Variants in ABCC9 observed in about 807,000 individuals in gnomAD.
ABCC9 encodes the protein ATP-binding cassette sub-family C member 9.
Under a neutral mutation model 188.3 loss-of-function variants are expected in ABCC9, and 95 were observed. The observed-to-expected ratio is 0.50, with a 90% confidence interval of 0.43 to 0.60. The LOEUF (loss-of-function observed/expected upper bound fraction) is 0.60. ABCC9 is among the 20% of genes least tolerant of loss of function. The pLI is 0.00. For synonymous variants in ABCC9, 659 were observed against 652.7 expected, an observed-to-expected ratio of 1.01 and a Z score of -0.15; for missense variants, 1,102 against 1,876.3, an observed-to-expected ratio of 0.59 and a Z score of 7.62.
chr12:21,805,004 T>C, intron 39 of ABCC9: 1 of 307,384 alleles, frequency 3.3e-6, no homozygotes, highest in Non-Finnish European at 4.8e-6. Flanking sequence ...CATTCGGTAG[T>C]GAGCATGACA....
At chr12:21,937,872 T>A (rs1342674039) in intron 2 of ABCC9, 1 of 152,174 alleles carries the variant, frequency 6.6e-6, no homozygotes, top group Admixed American at 6.6e-5. Flanking sequence ...AACCTGCTTT[T>A]TAAAGAAGCT....
chr12:21,805,452 G>C, intron 39 of ABCC9: 1 of 755,994 alleles, frequency 1.3e-6, no homozygotes, highest in Middle Eastern at 3.7e-4. Context: ...GAAAACTGTG[G>C]ACTACTGTAA....
At chr12:21,832,638 A>G (rs1943838693) in intron 30 of ABCC9, among the ~76,000 whole-genome samples, 1 of 152,100 alleles carries the variant, frequency 6.6e-6, no homozygotes, top group Non-Finnish European at 1.5e-5. Context: ...ATAGATATTG[A>G]CGTGGTGAAA....
chr12:21,903,696 T>A (rs1947886251), intron 12 of ABCC9, among the ~76,000 whole-genome samples: 2 of 151,968 alleles, frequency 1.3e-5, no homozygotes, highest in South Asian at 4.2e-4. Context: ...ACAAAGAGAA[T>A]AAAATACCTA....
chr12:21,859,447 G>T, intron 22 of ABCC9, 139 bp downstream of exon 22: 1 of 842,496 alleles, frequency 1.2e-6, no homozygotes, highest in Non-Finnish European at 2.0e-6. Flanking sequence ...GTACTTCAAG[G>T]ATTTATTTCC....
rs185257910 is a variant in ABCC9, at chr12:21,908,527, T to C, written c.1321-316A>G. On this transcript the variant is annotated intron_variant, in intron 10 of 39. Coordinates refer to ENST00000261200, the MANE Select transcript of ABCC9 (RefSeq NM_020297.4). ...AAGTGGTCCCATGACACTTCCAACC[T>C]TTTAAGTAGTCTTCAGATTTTTAAA... 9.6e-4 allele frequency among the ~76,000 whole-genome samples: 146 copies of C among 152,098 alleles called. 1 individual carries two copies. Among genetic ancestry groups the C allele is most frequent in the Admixed American group, 9.4e-3 (143 of 15,234 alleles).
chr12:21,843,487 A>G (rs1944491318), intron 28 of ABCC9, among the ~76,000 whole-genome samples: 2 of 151,986 alleles, frequency 1.3e-5, no homozygotes, highest in Non-Finnish European at 2.9e-5. Flanking sequence ...TGTTGAACAT[A>G]TTTTCTTCAC....
At chr12:21,894,684 A>G (rs1438829991) in intron 13 of ABCC9, among the ~76,000 whole-genome samples, 2 of 151,822 alleles carry the variant, frequency 1.3e-5, no homozygotes, top group African/African-American at 4.8e-5. Flanking sequence ...ATCATGGCTC[A>G]CTGCAGCCTC....
intron 5 of ABCC9, chr12:21,925,278 C>G (rs926789933): frequency 4.1e-6 from 2 of 487,616 alleles, no homozygotes; most frequent in Non-Finnish European, 7.3e-6. Flanking sequence ...TAATTTTGAC[C>G]CAAGGCAAAA....
chr12:21,854,640 C>G (rs1295388242), intron 22 of ABCC9, among the ~76,000 whole-genome samples: 1 of 152,172 alleles, frequency 6.6e-6, no homozygotes, highest in East Asian at 1.9e-4. Flanking sequence ...AATTGGCTTT[C>G]AACTGCCCAG....
chr12:21,863,696 A>T (rs911525260), intron 19 of ABCC9, among the ~76,000 whole-genome samples: 1 of 152,214 alleles, frequency 6.6e-6, no homozygotes, highest in African/African-American at 2.4e-5. Context: ...ATGTCTATAC[A>T]TCAGACTTTA....
intron 39 of ABCC9, chr12:21,805,333 A>T: frequency 6.2e-7 from 1 of 1,611,252 alleles, no homozygotes; most frequent in East Asian, 2.2e-5. Flanking sequence ...AATAGAAAAG[A>T]AGAGAATCAG....
At chr12:21,906,018 G>T in intron 12 of ABCC9, 108 bp downstream of exon 12, 2 of 1,250,350 alleles carry the variant, frequency 1.6e-6, no homozygotes, top group Non-Finnish European at 2.3e-6. Flanking sequence ...ATAAATAGGT[G>T]TCCTTGAAGA....
intron 18 of ABCC9, among the ~76,000 whole-genome samples, chr12:21,868,611 C>A (rs1375336924): frequency 2.6e-5 from 4 of 152,142 alleles, no homozygotes; most frequent in Non-Finnish European, 5.9e-5. Context: ...TGCACTCCAG[C>A]CTGGGCAACA....
chr12:21,829,255 G>C (rs746243949), intron 30 of ABCC9, among the ~76,000 whole-genome samples, 195 bp from the exon 31 acceptor site: 13 of 126,042 alleles, frequency 1.0e-4, no homozygotes, highest in Non-Finnish European at 1.6e-4. Flanking sequence ...AGGCTGGAGT[G>C]CAGTGGCGCG....
chr12:21,939,942 T>TA (rs1949630721), intron 2 of ABCC9, among the ~76,000 whole-genome samples: 1 of 152,210 alleles, frequency 6.6e-6, no homozygotes, highest in South Asian at 2.1e-4. Flanking sequence ...ATCTAGAACA[T>TA]ATACATTTTG....
intron 12 of ABCC9, 131 bp from the exon 13 acceptor site, chr12:21,895,446 TG>T: frequency 1.3e-6 from 1 of 790,228 alleles, no homozygotes; most frequent in Non-Finnish European, 2.1e-6. Context: ...TCATTTTGTC[TG>T]GAGTCCACAA....
At chr12:21,841,356 T>A in intron 29 of ABCC9, among the ~76,000 whole-genome samples, 1 of 124,322 alleles carries the variant, frequency 8.0e-6, no homozygotes, top group South Asian at 2.8e-4. Context: ...CCTTTTTTTT[T>A]TTTTTTTTTT....
intron 31 of ABCC9, among the ~76,000 whole-genome samples, chr12:21,820,920 C>T (rs1943001777): frequency 6.6e-6 from 1 of 152,144 alleles, no homozygotes; most frequent in Admixed American, 6.6e-5. Context: ...TATTGTCTAT[C>T]TACTCTCATT....
Sources: allele counts gnomAD v4.1 joint callset (sites outside exome capture counted in the v4.1 genomes callset), GRCh38; gene constraint gnomAD v4.1.1; transcripts MANE v1.5; gene names NCBI Gene and HGNC (gene_info 2026-07-23, HGNC 2026-07-21).